FLG: variants seen among roughly 807,000 people sequenced by gnomAD.
FLG encodes the protein epidermal filaggrin.
Under a neutral mutation model 3.8 loss-of-function variants are expected in FLG, and 6 were observed. That is an observed-to-expected ratio of 1.60 (90% CI 0.87 to 3.15). The LOEUF (loss-of-function observed/expected upper bound fraction) is 3.15. FLG is among the 30% of genes most tolerant of loss of function. The pLI, the probability that FLG is intolerant of heterozygous loss-of-function variation, is 0.00. For synonymous variants in FLG, 2,551 were observed against 1,931.6 expected, an observed-to-expected ratio of 1.32 and a Z score of -8.41; for missense variants, 7,595 against 5,050.9, an observed-to-expected ratio of 1.50 and a Z score of -15.27.
At chr1:152,323,662 A>G (rs1255227780) in intron 1 of FLG, among the ~76,000 whole-genome samples, 1 of 151,350 alleles carries the variant, frequency 6.6e-6, no homozygotes, top group African/African-American at 2.4e-5. Context: ...ATTGGTGAGA[A>G]TGTGGAGAAT....
intron 1 of FLG, among the ~76,000 whole-genome samples, chr1:152,321,712 T>C (rs1407782053): frequency 6.6e-6 from 1 of 151,154 alleles, no homozygotes; most frequent in Non-Finnish European, 1.5e-5. Context: ...GTCAGATGGC[T>C]TTACTGAATT....
Position 152,306,350 on chromosome 1 carries a change from G to T in FLG, c.8536C>A (p.Gln2846Lys). ...GAGTGCCTGGAGCCGTCTCCTGATT[G>T]TTCCTCATTACGTGTTGTTCTGCTT... The part of the protein sequence containing the change: ...SASRTTRNEE[Q>K]SGDGSRHSGS... The change falls in exon 3 of 3, where the codon CAA becomes AAA. Residue 2846 changes from glutamine (Q) to lysine (K), a missense_variant. Physicochemically the swap from Gln to Lys is moderately conservative, Grantham distance 53 (BLOSUM62 1). Transcript: ENST00000368799. 1 of 1,602,044 alleles carries T rather than the reference G, an allele frequency of 6.2e-7. No individual in the cohort carries two copies. Among genetic ancestry groups the T allele is most frequent in the Non-Finnish European group, 8.5e-7 (1 of 1,179,792 alleles).
At chr1:152,322,043 A>C (rs767910358) in intron 1 of FLG, among the ~76,000 whole-genome samples, 1 of 151,288 alleles carries the variant, frequency 6.6e-6, no homozygotes, top group Admixed American at 6.6e-5. Flanking sequence ...GGAAAATTAT[A>C]TGAACCTCTC....
chr1:152,312,805 G>A lies in FLG; in HGVS notation c.2081C>T (p.Ala694Val), dbSNP rs748903619. 2.7e-5 allele frequency: 44 copies of A among 1,613,920 alleles called. No homozygotes were observed. Among genetic ancestry groups the A allele is most frequent in the Middle Eastern group, 1.6e-4 (1 of 6,082 alleles). ...TGATCTTGCCTGTTCATGGGATGAC[G>A]CAGCCTGTCCACTAGAGGAATTCTG... ...HTQNSSSGQA[A>V]SSHEQARSSA... Residue 694 changes from alanine to valine, a missense_variant, in exon 3 of 3, where the codon GCG (alanine) becomes GTG (valine). Physicochemically the swap from Ala to Val is moderately conservative, Grantham distance 64. Coordinates refer to ENST00000368799, the MANE Select transcript of FLG (RefSeq NM_002016.2).
rs139318679 is a variant in FLG at position 152,309,985 on chromosome 1, C to A, written c.4901G>T (p.Arg1634Met). ...EQSRHGSRNP[R>M]SHQEDRASHG... Reference sequence around the variant, plus strand: ...ACTGGCTCTATCTTCTTGATGGGACCTGGGGTTCCTGGAGCCATGTCTTGA... The same window carrying A: ...ACTGGCTCTATCTTCTTGATGGGACATGGGGTTCCTGGAGCCATGTCTTGA... The change falls in exon 3 of 3, where the codon AGG (arginine) becomes ATG (methionine). Residue 1634 changes from arginine to methionine, a missense_variant. Coordinates refer to ENST00000368799, the MANE Select transcript of FLG (RefSeq NM_002016.2). 3.1e-6 allele frequency: 5 copies of A among 1,614,024 alleles called. No individual in the cohort carries two copies. The highest frequency in any genetic ancestry group is 4.2e-6 in the Non-Finnish European group (5 of 1,180,016).
At position 152,309,398 on chromosome 1, in the gene FLG, C is replaced by G; in HGVS notation, c.5488G>C (p.Glu1830Gln). 6.2e-7 allele frequency: 1 copy of G among 1,613,812 alleles called. No homozygotes were observed. The change falls in exon 3 of 3, where the codon GAG becomes CAG. Residue 1830 changes from glutamate to glutamine, a missense_variant. Coordinates refer to ENST00000368799, the MANE Select transcript of FLG (RefSeq NM_002016.2). ...TGTCCAGAACTATCTACCGATTGCTCATAGTGGGATCCCTGCCTTCCTCCT... is the reference window on the plus strand; with the variant it reads ...TGTCCAGAACTATCTACCGATTGCTGATAGTGGGATCCCTGCCTTCCTCCT... Reference protein sequence around the residue: ...SRGGRQGSHYEQSVDSSGHSG... With the variant: ...SRGGRQGSHYQQSVDSSGHSG...
rs145962910 is a variant in FLG at position 152,310,646 on chromosome 1, C to G, written c.4240G>C (p.Gly1414Arg). ...CTCTGCTGATGGGGCCCAGCTTGTC[C>G]GTGGGCTGACACTGACTGTGTGTCT... ...DSDTQSVSAHGQAGPHQQSHK... is the reference protein window; with the variant it reads ...DSDTQSVSAHRQAGPHQQSHK... Residue 1414 changes from glycine to arginine, a missense_variant, in exon 3 of 3, where the codon GGA becomes CGA. Gly to Arg is a moderately radical substitution (Grantham distance 125). Coordinates refer to ENST00000368799, the MANE Select transcript of FLG (RefSeq NM_002016.2). The G allele has an allele frequency of 3.7e-6, 6 of 1,613,842 alleles. No homozygotes were observed. The highest frequency in any genetic ancestry group is 1.1e-5 in the South Asian group (1 of 91,062).
At position 152,303,021 on chromosome 1, in the gene FLG, A is replaced by G. The variant is rs781601218; in HGVS notation, c.11865T>C (p.Ser3955=). 2.4e-5 allele frequency: 38 copies of G among 1,614,094 alleles called. No individual in the cohort carries two copies. The highest frequency in any genetic ancestry group is 3.1e-5 in the Non-Finnish European group (37 of 1,180,056). The part of the protein sequence containing the change: ...QSRGSPHSSS[S]YHYQSEGTER... Reference sequence around the variant, plus strand: ...CAGTGCCCTCAGATTGATAATGATAAGAACTAGAACTGTGAGGACTGCCAC... The same window carrying G: ...CAGTGCCCTCAGATTGATAATGATAGGAACTAGAACTGTGAGGACTGCCAC... Residue 3955 remains serine (S), a synonymous_variant, in exon 3 of 3, where the codon TCT becomes TCC. Coordinates refer to ENST00000368799, the MANE Select transcript of FLG (RefSeq NM_002016.2).
chr1:152,308,460 C>T lies in FLG; in HGVS notation c.6426G>A (p.Pro2142=), dbSNP rs573959413. 9.7e-5 allele frequency: 157 copies of T among 1,613,690 alleles called. 1 individual carries two copies. In the South Asian group the frequency reaches 1.1e-3, roughly 12 times the overall value. The change falls in exon 3 of 3, where the codon CCG becomes CCA. Residue 2142 remains proline (P), a synonymous_variant. Transcript: ENST00000368799. ...CCTGTCTTCCTCCTCTGCTTGGCCCCGGGTGTCCACGAATGGTGTCCTGAC... is the reference window on the plus strand; with the variant it reads ...CCTGTCTTCCTCCTCTGCTTGGCCCTGGGTGTCCACGAATGGTGTCCTGAC... ...QEGQDTIRGH[P]GPSRGGRQGS...
In FLG at chr1:152,304,909, G is replaced by C; in HGVS notation, c.9977C>G (p.Ala3326Gly). 1 of 1,613,774 alleles carries C rather than the reference G, an allele frequency of 6.2e-7. No individual in the cohort carries two copies. The highest frequency in any genetic ancestry group is 8.5e-7 in the Non-Finnish European group (1 of 1,179,946). The change falls in exon 3 of 3, where the codon GCA (alanine) becomes GGA (glycine). Residue 3326 changes from alanine (A) to glycine (G), a missense_variant. Ala to Gly is a moderately conservative substitution (Grantham distance 60). Transcript: ENST00000368799. Reference sequence around the variant, plus strand: ...CCCCCAGTGTCTACTGTCTCTGACTGCAGATGAAGCTTGTCCACGCGGAAT... The same window carrying C: ...CCCCCAGTGTCTACTGTCTCTGACTCCAGATGAAGCTTGTCCACGCGGAAT... Reference protein sequence around the residue: ...SGIPRGQASSAVRDSRHWGSS... With the variant: ...SGIPRGQASSGVRDSRHWGSS...
Position 152,305,347 on chromosome 1 carries a change from G to A in FLG, c.9539C>T (p.Ser3180Leu), listed in dbSNP as rs747040656. Residue 3180 changes from serine to leucine, a missense_variant, in exon 3 of 3, where the codon TCA (serine) becomes TTA (leucine). By Grantham distance (145) the Ser-to-Leu change is moderately radical (BLOSUM62 -2). Coordinates refer to ENST00000368799, the MANE Select transcript of FLG (RefSeq NM_002016.2). ...ATGAGTGGAAGCTTCATGGTGACGT[G>A]ACACTGAGTGCCTGGAGCTGTCTCC... is the stretch of plus-strand genomic sequence containing the variant. The part of the protein sequence containing the change: ...QSGDSSRHSV[S>L]RHHEASTHAD... The A allele has an allele frequency of 1.2e-6, 2 of 1,605,096 alleles. No homozygotes were observed. Among genetic ancestry groups the A allele is most frequent in the South Asian group, 1.1e-5 (1 of 89,940 alleles).
In FLG at chr1:152,314,738, C is replaced by A; in HGVS notation, c.148G>T (p.Asp50Tyr). ...EFRQILKNPD[D>Y]PDMVDVFMDH... ...ATGAAGACATCAACCATATCTGGGT[C>A]ATCTGGATTCTGTACAGAGGGAAGT... is the stretch of plus-strand genomic sequence containing the variant. Residue 50 changes from aspartate to tyrosine, a missense_variant, in exon 3 of 3, where the codon GAC becomes TAC. By Grantham distance (160) the Asp-to-Tyr change is radical. Coordinates refer to ENST00000368799, the MANE Select transcript of FLG (RefSeq NM_002016.2). The A allele has an allele frequency of 6.2e-7, 1 of 1,613,778 alleles. No individual in the cohort carries two copies. Among genetic ancestry groups the A allele is most frequent in the South Asian group, 1.1e-5 (1 of 91,002 alleles).
In FLG at chr1:152,313,918, C is replaced by A. The variant is rs777209615; in HGVS notation, c.968G>T (p.Gly323Val). 4.3e-6 allele frequency: 7 copies of A among 1,613,798 alleles called. No homozygotes were observed. The highest frequency in any genetic ancestry group is 5.9e-6 in the Non-Finnish European group (7 of 1,179,980). The change falls in exon 3 of 3, where the codon GGA (glycine) becomes GTA (valine). Residue 323 changes from glycine (G) to valine (V), a missense_variant. Gly to Val is a moderately radical substitution (Grantham distance 109). Transcript: ENST00000368799. ...ATCTCTTGACTGCTCCCACGCAGATCCATGATGGTTTCTGGAAGCCGACCC... is the reference window on the plus strand; with the variant it reads ...ATCTCTTGACTGCTCCCACGCAGATACATGATGGTTTCTGGAAGCCGACCC... ...HSGSASRNHH[G>V]SAWEQSRDGS... is the part of the protein sequence containing the mutation.
chr1:152,311,367 T>C lies in FLG; in HGVS notation c.3519A>G (p.Arg1173=), dbSNP rs772401413. The change falls in exon 3 of 3, where the codon AGA becomes AGG. Residue 1173 remains arginine (R), a synonymous_variant. Transcript: ENST00000368799. ...DTIRAHPGSR[R]GGRQGSHHEQ... is the part of the protein sequence containing the mutation. ...CATGGTGGGATCCCTGCCTTCCTCC[T>C]CTCCTTGACCCCGGGTGTGCACGAA... The C allele has an allele frequency of 1.9e-6, 3 of 1,613,514 alleles. No homozygotes were observed. The African/African-American group carries it at 4.0e-5, about 22-fold the overall frequency.
rs1284056729 is a variant in FLG, at chr1:152,305,707, C to T, written c.9179G>A (p.Gly3060Glu). Residue 3060 changes from glycine to glutamate, a missense_variant, in exon 3 of 3, where the codon GGA (glycine) becomes GAA (glutamate). Transcript: ENST00000368799. ...AGTGCTCACCTGGTAGAGGAAAGAT[C>T]CTGAATGTCCAGACGTTTCCCCTGA... ...GRSGETSGHS[G>E]SFLYQVSTHE... The T allele has an allele frequency of 7.6e-7, 1 of 1,317,062 alleles. No homozygotes were observed. Among genetic ancestry groups the T allele is most frequent in the Non-Finnish European group, 1.0e-6 (1 of 988,636 alleles). 81.6% of individuals were successfully genotyped at this position (1,317,062 alleles called of 1,614,324 possible).
In FLG at chr1:152,310,291, T is replaced by G; in HGVS notation, c.4595A>C (p.His1532Pro). Reference sequence around the variant, plus strand: ...TGCACTTCTGGGTCCTGACTGCCCATGGGAGGCATCAGACCTTCCCTGGGG... The same window carrying G: ...TGCACTTCTGGGTCCTGACTGCCCAGGGGAGGCATCAGACCTTCCCTGGGG... ...TTPQGRSDASHGQSGPRSASR... is the reference protein window; with the variant it reads ...TTPQGRSDASPGQSGPRSASR... Residue 1532 changes from histidine to proline, a missense_variant, in exon 3 of 3, where the codon CAT (histidine) becomes CCT (proline). Physicochemically the swap from His to Pro is moderately conservative, Grantham distance 77 (BLOSUM62 -2). Transcript: ENST00000368799. The G allele has an allele frequency of 6.2e-7, 1 of 1,613,818 alleles. No homozygotes were observed. Among genetic ancestry groups the G allele is most frequent in the Non-Finnish European group, 8.5e-7 (1 of 1,179,960 alleles).
Position 152,315,310 on chromosome 1 carries a change from G to A in FLG, c.138+9C>T, listed in dbSNP as rs2786667. On this transcript the variant is annotated intron_variant, in intron 2 of 2. Transcript: ENST00000368799. ...ATGCTCTATCTTTGGTCTTGTCAGAGACTCTTACCTTCAGGATTTGCCGAA... is the reference window on the plus strand; with the variant it reads ...ATGCTCTATCTTTGGTCTTGTCAGAAACTCTTACCTTCAGGATTTGCCGAA... 1.2e-6 allele frequency: 2 copies of A among 1,612,802 alleles called. No homozygotes were observed. Among genetic ancestry groups the A allele is most frequent in the Non-Finnish European group, 1.7e-6 (2 of 1,179,180 alleles).
chr1:152,312,258 G>T lies in FLG; in HGVS notation c.2628C>A (p.Ser876=). Residue 876 remains serine (S), a synonymous_variant, in exon 3 of 3, where the codon TCC becomes TCA. Coordinates refer to ENST00000368799, the MANE Select transcript of FLG (RefSeq NM_002016.2). Reference sequence around the variant, plus strand: ...CACGGGAGGCATCAGACCTTCCCTGGGATGTGGTGTGGCTGTGATGGGACC... The same window carrying T: ...CACGGGAGGCATCAGACCTTCCCTGTGATGTGGTGTGGCTGTGATGGGACC... The part of the protein sequence containing the change: ...HSGSHHSHTT[S]QGRSDASRGQ... 6.2e-7 allele frequency: 1 copy of T among 1,613,704 alleles called. No individual in the cohort carries two copies. Among genetic ancestry groups the T allele is most frequent in the Non-Finnish European group, 8.5e-7 (1 of 1,179,914 alleles).
At chr1:152,324,324 C>CT (rs1373520542) in intron 1 of FLG, among the ~76,000 whole-genome samples, 1 of 151,852 alleles carries the variant, frequency 6.6e-6, no homozygotes, top group Non-Finnish European at 1.5e-5. Context: ...CTGTGCCCCT[C>CT]TTTACATGAG....
Sources: gnomAD v4.1 joint callset for allele counts (sites outside exome capture counted in the v4.1 genomes callset) on GRCh38, gnomAD v4.1.1 for gene constraint, MANE v1.5 for transcripts, NCBI Gene and HGNC (gene_info 2026-07-23, HGNC 2026-07-21) for gene names.